NFASC: variants seen among roughly 807,000 people sequenced by gnomAD.
NFASC encodes neurofascin homolog.
A neutral mutation model predicts 147.5 loss-of-function variants in NFASC; 43 were observed. The observed-to-expected ratio is 0.29, with a 90% CI of 0.23 to 0.38. NFASC has a LOEUF of 0.38. NFASC is among the 10% of genes least tolerant of loss of function. NFASC has a pLI of 1.00. For missense variants in NFASC, 1,320 were observed against 1,689.0 expected, an observed-to-expected ratio of 0.78 and a Z score of 3.83; for synonymous variants, 622 against 665.5, an observed-to-expected ratio of 0.93 and a Z score of 1.01.
intron 2 of NFASC, among the ~76,000 whole-genome samples, chr1:204,921,874 G>A (rs529207813): frequency 4.6e-5 from 7 of 152,016 alleles, no homozygotes; most frequent in Non-Finnish European, 1.0e-4. Flanking sequence ...TCTTGTGTGG[G>A]CCCTTTAGGG....
chr1:204,914,950 C>G, intron 1 of NFASC, among the ~76,000 whole-genome samples: 1 of 152,300 alleles, frequency 6.6e-6, no homozygotes, highest in South Asian at 2.1e-4. Flanking sequence ...AAATTATGAT[C>G]TGTTTATACA....
chr1:204,898,823 C>T (rs553728838), intron 1 of NFASC, among the ~76,000 whole-genome samples: 26 of 152,250 alleles, frequency 1.7e-4, no homozygotes, highest in South Asian at 1.2e-3. Flanking sequence ...ACTAATTGGC[C>T]GACCCAGTCA....
At position 204,859,615 on chromosome 1, in the gene NFASC, A is replaced by G. The variant is rs1337438694; in HGVS notation, c.-200+30833A>G. On this transcript the variant is annotated intron_variant, in intron 1 of 29. Coordinates refer to ENST00000339876, the MANE Select transcript of NFASC (RefSeq NM_001005388.3). ...AACTGGGTCTTGGGTCTCTAAACCAATATTTCCCAGAGGCTGGGTCTTGGG... is the reference window on the plus strand; with the variant it reads ...AACTGGGTCTTGGGTCTCTAAACCAGTATTTCCCAGAGGCTGGGTCTTGGG... Among the ~76,000 whole-genome samples, 9 of 152,172 alleles carry G rather than the reference A, an allele frequency of 5.9e-5. No homozygotes were observed. In the East Asian group the frequency reaches 1.7e-3, roughly 29 times the overall value.
At chr1:204,847,950 G>C (rs1256375886) in intron 1 of NFASC, among the ~76,000 whole-genome samples, 1 of 152,190 alleles carries the variant, frequency 6.6e-6, no homozygotes, top group African/African-American at 2.4e-5. Flanking sequence ...TAAGAAGATG[G>C]ATATAAAGAG....
At chr1:204,923,575 C>T (rs116551369) in intron 2 of NFASC, among the ~76,000 whole-genome samples, 2,340 of 152,234 alleles carry the variant, frequency 0.015, 44 homozygotes, top group African/African-American at 0.053. Flanking sequence ...AGCTGGGCCT[C>T]CTCTCTCCAG....
At chr1:204,845,321 G>A (rs989328564) in intron 1 of NFASC, among the ~76,000 whole-genome samples, 1 of 151,750 alleles carries the variant, frequency 6.6e-6, no homozygotes, top group African/African-American at 2.4e-5. Context: ...AGCTGGGCGT[G>A]ATGGTGAGCA....
At chr1:204,872,533 C>T (rs531619706) in intron 1 of NFASC, among the ~76,000 whole-genome samples, 9 of 152,280 alleles carry the variant, frequency 5.9e-5, no homozygotes, top group Middle Eastern at 3.4e-3. Context: ...TCAACTCAAC[C>T]GCAGTCAGCC....
chr1:204,963,975 C>G lies in NFASC; in HGVS notation c.707-4274C>G, dbSNP rs74138680. On this transcript the variant is annotated intron_variant, in intron 8 of 29. Coordinates refer to ENST00000339876, the MANE Select transcript of NFASC (RefSeq NM_001005388.3). ...GTGATTTCTAGAGTGGATTGGTATC[C>G]TCTGAACACTGCTAGGTGCCCCCTG... 4.7e-3 allele frequency among the ~76,000 whole-genome samples: 723 copies of G among 152,326 alleles called. 6 individuals are homozygous for G. The highest frequency in any genetic ancestry group is 0.016 in the African/African-American group (683 of 41,574).
intron 27 of NFASC, among the ~76,000 whole-genome samples, chr1:205,006,375 G>A (rs918045407): frequency 1.3e-5 from 2 of 152,246 alleles, no homozygotes; most frequent in Non-Finnish European, 2.9e-5. Context: ...ACAATTAAAT[G>A]TTCCACTGCA....
chr1:204,845,980 T>C (rs1339192176), intron 1 of NFASC, among the ~76,000 whole-genome samples: 12 of 152,150 alleles, frequency 7.9e-5, no homozygotes, highest in Admixed American at 7.9e-4. Flanking sequence ...AATCCAGTTA[T>C]CCTCAAGCCC....
At chr1:204,941,862 A>G (rs1259217786) in intron 2 of NFASC, among the ~76,000 whole-genome samples, 1 of 151,930 alleles carries the variant, frequency 6.6e-6, no homozygotes, top group African/African-American at 2.4e-5. Flanking sequence ...TGTTCCACTA[A>G]TGAGTAGCCT....
intron 1 of NFASC, among the ~76,000 whole-genome samples, chr1:204,899,332 T>A (rs981449347): frequency 1.3e-5 from 2 of 152,214 alleles, no homozygotes; most frequent in African/African-American, 4.8e-5. Context: ...TGGTTTTCTC[T>A]GCCCAGGGTT....
rs1485137172 is a variant in NFASC at position 204,957,959 on chromosome 1, G to A, written c.706+133G>A. 3.9e-6 allele frequency: 3 copies of A among 769,726 alleles called. No homozygotes were observed. In the East Asian group the frequency reaches 7.6e-5, roughly 19 times the overall value. The allele number at this position is 769,726 out of a possible 1,614,324, so 47.7% of individuals were successfully genotyped here. On this transcript the variant is annotated intron_variant, in intron 8 of 29. Coordinates refer to ENST00000339876, the MANE Select transcript of NFASC (RefSeq NM_001005388.3). Reference sequence around the variant, plus strand: ...GACCTAGAAATCCTTCCAGCTCATGGTGCCTGAGCCACTTCAGCTGCTCTT... The same window carrying A: ...GACCTAGAAATCCTTCCAGCTCATGATGCCTGAGCCACTTCAGCTGCTCTT...
chr1:204,943,349 G>T (rs577753667), intron 2 of NFASC, among the ~76,000 whole-genome samples: 53 of 152,242 alleles, frequency 3.5e-4, no homozygotes, highest in African/African-American at 1.3e-3. Context: ...ATCCATTCTA[G>T]GTTCCTTGGA....
At chr1:204,839,803 C>T (rs897018869) in intron 1 of NFASC, among the ~76,000 whole-genome samples, 2 of 152,186 alleles carry the variant, frequency 1.3e-5, no homozygotes, top group Non-Finnish European at 2.9e-5. Flanking sequence ...TCCTTTTAGT[C>T]ACAGAAGAGA....
At chr1:204,868,566 T>C (rs1352498836) in intron 1 of NFASC, among the ~76,000 whole-genome samples, 1 of 152,204 alleles carries the variant, frequency 6.6e-6, no homozygotes, top group African/African-American at 2.4e-5. Context: ...CCTGGCTTCC[T>C]GTTCCCTATC....
At chr1:204,861,923 C>A (rs535488593) in intron 1 of NFASC, among the ~76,000 whole-genome samples, 1 of 152,196 alleles carries the variant, frequency 6.6e-6, no homozygotes, top group Non-Finnish European at 1.5e-5. Context: ...CTGGTCAAGA[C>A]GCAGTGACAT....
intron 24 of NFASC, among the ~76,000 whole-genome samples, chr1:204,993,583 C>T (rs961349963): frequency 4.6e-5 from 7 of 152,284 alleles, no homozygotes; most frequent in East Asian, 1.9e-4. Context: ...GTGAGGTTGA[C>T]GCTGCCATCT....
At chr1:204,874,199 A>T (rs953502604) in intron 1 of NFASC, among the ~76,000 whole-genome samples, 1 of 152,130 alleles carries the variant, frequency 6.6e-6, no homozygotes. Flanking sequence ...GGACAGGCCC[A>T]TGTTGGAGGT....
Sources: allele counts gnomAD v4.1 joint callset (sites outside exome capture counted in the v4.1 genomes callset), GRCh38; gene constraint gnomAD v4.1.1; transcripts MANE v1.5; gene names NCBI Gene and HGNC (gene_info 2026-07-23, HGNC 2026-07-21).